EXOC4: variants seen among roughly 807,000 people sequenced by gnomAD.
EXOC4 encodes the protein SEC8-like 1.
EXOC4 carries 71 observed loss-of-function variants against 107.2 expected under a neutral mutation model. The observed-to-expected ratio is 0.66, with a 90% CI of 0.55 to 0.81. The LOEUF (loss-of-function observed/expected upper bound fraction) is 0.81. EXOC4 is among the 30% of genes least tolerant of loss of function. The pLI, the probability that EXOC4 is intolerant of heterozygous loss-of-function variation, is 0.00. For missense variants in EXOC4, 1,108 were observed against 1,189.6 expected, an observed-to-expected ratio of 0.93 and a Z score of 1.01; for synonymous variants, 456 against 441.2, an observed-to-expected ratio of 1.03 and a Z score of -0.42.
chr7:133,937,237 A>T (rs535622952), intron 13 of EXOC4, among the ~76,000 whole-genome samples: 194 of 152,118 alleles, frequency 1.3e-3, no homozygotes, highest in African/African-American at 4.5e-3. Flanking sequence ...CGTGAAACCC[A>T]CTAGATTATA....
At position 133,926,084 on chromosome 7, in the gene EXOC4, C is replaced by G. The variant is rs1165517827; in HGVS notation, c.2027+8346C>G. Among the ~76,000 whole-genome samples, 2 of 150,980 alleles carry G rather than the reference C, an allele frequency of 1.3e-5. 1 individual carries two copies. Among genetic ancestry groups the G allele is most frequent in the Non-Finnish European group, 2.9e-5 (2 of 67,844 alleles). On this transcript the variant is annotated intron_variant, in intron 13 of 17. Transcript: ENST00000253861. ...AAAGAAGAAAAGAACTAAGATCATG[C>G]AGTTTATTCCAGCAGTCACAGCAAT... is the stretch of plus-strand genomic sequence containing the variant.
intron 7 of EXOC4, among the ~76,000 whole-genome samples, chr7:133,437,169 T>G (rs1167769989): frequency 6.6e-6 from 1 of 152,188 alleles, no homozygotes; most frequent in Non-Finnish European, 1.5e-5. Flanking sequence ...TTGCCCAAAT[T>G]AATATTTGTG....
chr7:133,934,589 A>G (rs1024490191), intron 13 of EXOC4, among the ~76,000 whole-genome samples: 4 of 152,164 alleles, frequency 2.6e-5, no homozygotes, highest in African/African-American at 4.8e-5. Context: ...GACTTCTTAC[A>G]TAAATACATT....
chr7:133,520,982 T>C (rs189688698), intron 9 of EXOC4, among the ~76,000 whole-genome samples: 1 of 152,230 alleles, frequency 6.6e-6, no homozygotes, highest in East Asian at 1.9e-4. Flanking sequence ...ATGTATAAAA[T>C]AAAGGGAGGG....
chr7:133,524,068 A>C (rs1800031845), intron 9 of EXOC4, among the ~76,000 whole-genome samples: 1 of 145,498 alleles, frequency 6.9e-6, no homozygotes, highest in African/African-American at 2.6e-5. Context: ...CAACAGTGTA[A>C]AAGTGTTCCT....
intron 10 of EXOC4, among the ~76,000 whole-genome samples, chr7:133,761,926 G>A (rs1796040801): frequency 6.6e-6 from 1 of 152,174 alleles, no homozygotes; most frequent in African/African-American, 2.4e-5. Flanking sequence ...TCACTGAAGT[G>A]ACTTGCCAAG....
In EXOC4 at chr7:133,650,144, G is replaced by A. The variant is rs145994220; in HGVS notation, c.1514+20003G>A. 2.6e-4 allele frequency among the ~76,000 whole-genome samples: 40 copies of A among 151,554 alleles called. No individual in the cohort carries two copies. The East Asian group carries it at 7.0e-3, about 27-fold the overall frequency. The stretch of plus-strand genomic sequence containing the variant: ...TTTCAGTTTGGTAATTTAATTTTAC[G>A]GTCATATGTATGTACCCTGGTCTGG... On this transcript the variant is annotated intron_variant, in intron 10 of 17. Transcript: ENST00000253861.
chr7:133,272,678 T>C (rs2150521718), intron 1 of EXOC4, among the ~76,000 whole-genome samples: 1 of 152,304 alleles, frequency 6.6e-6, no homozygotes, highest in East Asian at 1.9e-4. Flanking sequence ...CTAGTTTACA[T>C]CAAGAGGATA....
intron 10 of EXOC4, among the ~76,000 whole-genome samples, chr7:133,808,276 C>G (rs1295622395): frequency 6.6e-6 from 1 of 152,194 alleles, no homozygotes; most frequent in East Asian, 1.9e-4. Context: ...CAATGGCTTA[C>G]TCCCATGAAT....
chr7:133,458,070 A>C (rs1798504065), intron 7 of EXOC4, among the ~76,000 whole-genome samples: 1 of 152,182 alleles, frequency 6.6e-6, no homozygotes, highest in Non-Finnish European at 1.5e-5. Context: ...TACCTAAAGA[A>C]AAGTTATTTT....
At chr7:134,093,631 A>C in the EXOC4 span, among the ~76,000 whole-genome samples, 1 of 152,226 alleles carries the variant, frequency 6.6e-6, no homozygotes, top group African/African-American at 2.4e-5. Flanking sequence ...CATTTTTCTC[A>C]TCTGTATATG....
intron 9 of EXOC4, chr7:133,551,526 G>C (rs1232614235): frequency 6.6e-6 from 1 of 152,128 alleles, no homozygotes; most frequent in Non-Finnish European, 1.5e-5. Flanking sequence ...GTAGTCAGTA[G>C]TTAAATGTAT....
chr7:133,589,596 G>T (rs1028309712), intron 9 of EXOC4, among the ~76,000 whole-genome samples: 1 of 152,222 alleles, frequency 6.6e-6, no homozygotes, highest in African/African-American at 2.4e-5. Flanking sequence ...TTGCCATGCA[G>T]AGTAGAAAGT....
chr7:133,289,921 C>T (rs1354649513), intron 3 of EXOC4, among the ~76,000 whole-genome samples: 1 of 152,180 alleles, frequency 6.6e-6, no homozygotes, highest in African/African-American at 2.4e-5. Context: ...TCCTTCCCCA[C>T]AGTAGGTGAA....
chr7:133,387,037 A>G (rs1302583921), intron 7 of EXOC4, among the ~76,000 whole-genome samples: 2 of 152,156 alleles, frequency 1.3e-5, no homozygotes, highest in African/African-American at 2.4e-5. Flanking sequence ...TGTTATCTTT[A>G]CTATCTTAAA....
intron 9 of EXOC4, among the ~76,000 whole-genome samples, chr7:133,486,978 A>G (rs1799280415): frequency 6.6e-6 from 1 of 152,188 alleles, no homozygotes; most frequent in South Asian, 2.1e-4. Flanking sequence ...TATCAAGTGT[A>G]CTACTTTTTA....
chr7:133,283,490 T>A (rs1054222712), intron 2 of EXOC4, among the ~76,000 whole-genome samples: 3 of 152,226 alleles, frequency 2.0e-5, no homozygotes, highest in Non-Finnish European at 4.4e-5. Flanking sequence ...AGTGCAGATA[T>A]CTTTTTGACA....
At chr7:133,338,505 A>G (rs1388389692) in intron 5 of EXOC4, among the ~76,000 whole-genome samples, 1 of 142,774 alleles carries the variant, frequency 7.0e-6, no homozygotes, top group Non-Finnish European at 1.5e-5. Flanking sequence ...AGGCAGGAGA[A>G]TGGCGTGAAC....
intron 5 of EXOC4, among the ~76,000 whole-genome samples, chr7:133,329,977 G>C (rs531606727): frequency 6.6e-6 from 1 of 152,170 alleles, no homozygotes; most frequent in Non-Finnish European, 1.5e-5. Context: ...GCTCTCTTCA[G>C]AGCCGTCAGG....
Sources: gnomAD v4.1 joint callset for allele counts (sites outside exome capture counted in the v4.1 genomes callset) on GRCh38, gnomAD v4.1.1 for gene constraint, MANE v1.5 for transcripts, NCBI Gene and HGNC (gene_info 2026-07-23, HGNC 2026-07-21) for gene names.